Variants in MLIP observed in about 807,000 individuals in gnomAD.
MLIP encodes the protein muscular LMNA interacting protein, also known as muscular LMNA-interacting protein.
In MLIP, 79 loss-of-function variants were observed where a neutral mutation model predicts 84.8. That is an observed-to-expected ratio of 0.93 (90% CI 0.78 to 1.12). MLIP has a LOEUF of 1.12. Ranked by LOEUF, MLIP falls within the 50% of genes most tolerant of loss-of-function variation. MLIP has a pLI of 0.00. For synonymous variants in MLIP, 504 were observed against 463.0 expected (o/e 1.09, Z -1.14); for missense variants, 1,257 against 1,160.6 (o/e 1.08, Z -1.21).
chr6:54,211,871 C>T (rs1352925070), intron 11 of MLIP, among the ~76,000 whole-genome samples: 2 of 152,216 alleles, frequency 1.3e-5, no homozygotes, highest in Non-Finnish European at 2.9e-5. Flanking sequence ...AATAATGAAG[C>T]TCATTACTTT....
At chr6:54,107,566 T>G (rs1423538639), upstream of MLIP, among the ~76,000 whole-genome samples, 6 of 152,194 alleles carry the variant, frequency 3.9e-5, no homozygotes, top group African/African-American at 1.4e-4. Flanking sequence ...GTCCCAGTGT[T>G]TGCCAGAAAT....
intron 12 of MLIP, among the ~76,000 whole-genome samples, chr6:54,236,088 A>G (rs59132111): frequency 0.12 from 18,324 of 152,080 alleles, 1,476 homozygotes; most frequent in African/African-American, 0.22. Flanking sequence ...TGTTCTGTTC[A>G]TGTCCCCTTT....
intron 1 of MLIP, among the ~76,000 whole-genome samples, chr6:54,058,487 T>C (rs1765786115): frequency 6.6e-6 from 1 of 152,196 alleles, no homozygotes; most frequent in South Asian, 2.1e-4. Context: ...CCAGCACTGA[T>C]GTGCTCTATG....
At chr6:54,139,139 G>A (rs1485318296) in intron 4 of MLIP, among the ~76,000 whole-genome samples, 1 of 152,130 alleles carries the variant, frequency 6.6e-6, no homozygotes, top group East Asian at 1.9e-4. Context: ...TAGAGTGTGT[G>A]TGGTTTCTTT....
Position 54,146,462 on chromosome 6 carries a change from T to C in MLIP, c.2218-2594T>C, listed in dbSNP as rs1004217234. ...GGAGTTGGTGAAGGAAGCAATATAA[T>C]TATGCAGAAGAGAGCTCTTGGCATG... is the stretch of plus-strand genomic sequence containing the variant. On this transcript the variant is annotated intron_variant, in intron 4 of 13. Transcript: ENST00000502396. Among the ~76,000 whole-genome samples the C allele has an allele frequency of 1.6e-4, 25 of 152,180 alleles. 1 individual carries two copies.
chr6:54,107,008 G>T (rs945513125), upstream of MLIP, among the ~76,000 whole-genome samples: 2 of 152,202 alleles, frequency 1.3e-5, no homozygotes, highest in African/African-American at 4.8e-5. Flanking sequence ...TGGATTGCCT[G>T]AAACCAAGCT....
chr6:54,196,775 G>T (rs949524117), intron 10 of MLIP, among the ~76,000 whole-genome samples: 1 of 152,032 alleles, frequency 6.6e-6, no homozygotes, highest in Non-Finnish European at 1.5e-5. Flanking sequence ...TGAATAAACC[G>T]AAGATCTCTG....
Position 54,137,296 on chromosome 6 carries a change from G to C in MLIP, c.1227G>C (p.Pro409=). ...GNLSKSGVKS[P]VPSRLALLTA... is the part of the protein sequence containing the mutation. Reference sequence around the variant, plus strand: ...TTTCAAAGTCAGGGGTAAAATCCCCGGTGCCTTCCCGGCTTGCCCTTCTCA... The same window carrying C: ...TTTCAAAGTCAGGGGTAAAATCCCCCGTGCCTTCCCGGCTTGCCCTTCTCA... The change falls in exon 4 of 14, where the codon CCG becomes CCC. Residue 409 remains proline (P), a synonymous_variant. Transcript: ENST00000502396. 2.6e-6 allele frequency: 4 copies of C among 1,535,854 alleles called. No homozygotes were observed. The highest frequency in any genetic ancestry group is 3.5e-6 in the Non-Finnish European group (4 of 1,146,864).
In MLIP at chr6:54,127,548, T is replaced by G. The variant is rs146812997; in HGVS notation, c.645+2683T>G. On this transcript the variant is annotated intron_variant, in intron 3 of 13. Transcript: ENST00000502396. ...CTGATAGCTTTTTTTCTGTACCTAT[T>G]TTATAATTATCATAGGCAGTACTAT... Among the ~76,000 whole-genome samples, 511 of 152,266 alleles carry G rather than the reference T, an allele frequency of 3.4e-3. 3 individuals are homozygous for G. Among genetic ancestry groups the G allele is most frequent in the African/African-American group, 0.012 (491 of 41,554 alleles).
At chr6:54,228,803 G>A (rs1209088779) in intron 11 of MLIP, among the ~76,000 whole-genome samples, 1 of 152,132 alleles carries the variant, frequency 6.6e-6, no homozygotes. Flanking sequence ...CTTTACCTAA[G>A]CACCTTCAAC....
chr6:54,137,016 C>T lies in MLIP; in HGVS notation c.947C>T (p.Ala316Val), dbSNP rs1308396453. 2 of 1,536,004 alleles carry T rather than the reference C, an allele frequency of 1.3e-6. No homozygotes were observed. The highest frequency in any genetic ancestry group is 1.7e-6 in the Non-Finnish European group (2 of 1,146,894). ...SGSNLPSSTA[A>V]DPKPGLTSEV... ...TCTAATTTACCCAGTTCAACTGCAG[C>T]AGATCCAAAGCCTGGACTGACCTCT... Residue 316 changes from alanine to valine, a missense_variant, in exon 4 of 14, where the codon GCA becomes GTA. Transcript: ENST00000502396.
intron 4 of MLIP, among the ~76,000 whole-genome samples, chr6:54,139,699 C>T (rs1034795540): frequency 6.6e-6 from 1 of 152,198 alleles, no homozygotes; most frequent in East Asian, 1.9e-4. Flanking sequence ...AACTGAAGTT[C>T]AGTGAATAAT....
Position 54,163,008 on chromosome 6 carries a change from C to T in MLIP, c.2499+2209C>T, listed in dbSNP as rs527617610. Among the ~76,000 whole-genome samples, 7 of 151,930 alleles carry T rather than the reference C, an allele frequency of 4.6e-5. No individual in the cohort carries two copies. In the East Asian group the frequency reaches 5.8e-4, roughly 13 times the overall value. On this transcript the variant is annotated intron_variant, in intron 8 of 13. Transcript: ENST00000502396. ...TTTGCGAATATAATTGTGTTGATTG[C>T]GGCCAAGGGTCAGAGAAAGATAAGT... is the stretch of plus-strand genomic sequence containing the variant.
intron 1 of MLIP, among the ~76,000 whole-genome samples, chr6:54,103,572 A>C (rs1396710092): frequency 6.6e-6 from 1 of 152,160 alleles, no homozygotes; most frequent in Non-Finnish European, 1.5e-5. Flanking sequence ...TATTGCACAC[A>C]CAATTTGTTG....
At chr6:54,145,349 A>C in intron 4 of MLIP, among the ~76,000 whole-genome samples, 1 of 152,232 alleles carries the variant, frequency 6.6e-6, no homozygotes. Flanking sequence ...TATTGTTAAG[A>C]GAACCCAGAG....
intron 11 of MLIP, among the ~76,000 whole-genome samples, chr6:54,229,548 G>A (rs1278244124): frequency 6.6e-6 from 1 of 152,114 alleles, no homozygotes; most frequent in Non-Finnish European, 1.5e-5. Context: ...GCCCCAGTAT[G>A]TGTTGTTCCC....
chr6:54,134,276 T>C (rs956504843), intron 3 of MLIP, among the ~76,000 whole-genome samples: 1 of 152,060 alleles, frequency 6.6e-6, no homozygotes. Flanking sequence ...TTTTTAAAAA[T>C]TTATTAATTA....
At position 54,169,544 on chromosome 6, in the gene MLIP, C is replaced by T. The variant is rs1562009568; in HGVS notation, c.2516C>T (p.Pro839Leu). 5 of 1,591,028 alleles carry T rather than the reference C, an allele frequency of 3.1e-6. No individual in the cohort carries two copies. The highest frequency in any genetic ancestry group is 4.3e-6 in the Non-Finnish European group (5 of 1,168,788). ...TTCATACAGACTCCTACAACTCTTC[C>T]AAGAGCAGCTGGTCGAGAAACCAAA... ...SDTVKTPTTL[P>L]RAAGRETKYA... The change falls in exon 9 of 14, where the codon CCA (proline) becomes CTA (leucine). Residue 839 changes from proline to leucine, a missense_variant. Pro to Leu is a moderately conservative substitution (Grantham distance 98, BLOSUM62 -3). Coordinates refer to ENST00000502396, the MANE Select transcript of MLIP (RefSeq NM_001281747.2).
At chr6:54,190,945 G>A (rs936962185) in intron 10 of MLIP, among the ~76,000 whole-genome samples, 3 of 151,570 alleles carry the variant, frequency 2.0e-5, no homozygotes, top group African/African-American at 4.8e-5. Flanking sequence ...ACAGGCGCCC[G>A]CCACCGAGCC....
Sources: gnomAD v4.1 joint callset for allele counts (sites outside exome capture counted in the v4.1 genomes callset) on GRCh38, gnomAD v4.1.1 for gene constraint, MANE v1.5 for transcripts, NCBI Gene and HGNC (gene_info 2026-07-23, HGNC 2026-07-21) for gene names.